The following NUP160 variants were observed in gnomAD, a reference collection of about 807,000 sequenced individuals.
NUP160 encodes the protein nuclear pore complex protein Nup160.
Under a neutral mutation model 196.9 loss-of-function variants are expected in NUP160, and 94 were observed. The ratio of observed to expected loss-of-function variants is 0.48; its 90% confidence interval spans 0.40 to 0.57. NUP160 has a LOEUF of 0.57. NUP160 is among the 20% of genes least tolerant of loss of function. NUP160 has a pLI of 0.00. For synonymous variants in NUP160, 605 were observed against 619.7 expected (o/e 0.98, Z 0.35); for missense variants, 1,638 against 1,748.3 (o/e 0.94, Z 1.13).
At chr11:47,806,818 C>T (rs966508754) in intron 19 of NUP160, among the ~76,000 whole-genome samples, 6 of 147,498 alleles carry the variant, frequency 4.1e-5, no homozygotes, top group Non-Finnish European at 9.0e-5. Context: ...CACACACACA[C>T]ACACACACAC....
intron 23 of NUP160, 141 bp downstream of exon 23, chr11:47,801,670 G>A: frequency 2.5e-6 from 2 of 806,100 alleles, no homozygotes; most frequent in South Asian, 3.7e-5. Context: ...AATTTCTCTA[G>A]GCAAATTCAT....
rs772040331 is a variant in NUP160, at chr11:47,822,179, G to A, written c.1102-15C>T. ...AAAATGCAGAACTGTTAAAACACAAGATGATCATTTATTACCTGAAATAAT... is the reference window on the plus strand; with the variant it reads ...AAAATGCAGAACTGTTAAAACACAAAATGATCATTTATTACCTGAAATAAT... On this transcript the variant is annotated splice_polypyrimidine_tract_variant and intron_variant, in intron 7 of 35. Transcript: ENST00000378460. 1.6e-5 allele frequency: 24 copies of A among 1,533,412 alleles called. No homozygotes were observed. The South Asian group carries it at 2.6e-4, about 17-fold the overall frequency. 95.0% of individuals were successfully genotyped at this position (1,533,412 alleles called of 1,614,324 possible).
chr11:47,809,717 C>CTACA (rs2097679959), intron 17 of NUP160, among the ~76,000 whole-genome samples: 1 of 108,718 alleles, frequency 9.2e-6, no homozygotes, highest in South Asian at 3.0e-4. Flanking sequence ...CCAGCCTGGG[C>CTACA]TACAGAGCAA....
Position 47,803,547 on chromosome 11 carries a change from T to A in NUP160, c.2677-11A>T. The A allele has an allele frequency of 3.5e-6, 5 of 1,446,526 alleles. No homozygotes were observed. The highest frequency in any genetic ancestry group is 4.9e-6 in the Non-Finnish European group (5 of 1,028,128). 89.6% of individuals were successfully genotyped at this position (1,446,526 alleles called of 1,614,324 possible). ...CAGTTGAATATAATCCTTAAAGGCATAAAAGGTGCTTTCTGATTAGAAAAT... is the reference window on the plus strand; with the variant it reads ...CAGTTGAATATAATCCTTAAAGGCAAAAAAGGTGCTTTCTGATTAGAAAAT... On this transcript the variant is annotated splice_polypyrimidine_tract_variant and intron_variant, in intron 21 of 35. Transcript: ENST00000378460.
chr11:47,840,714 A>G lies in NUP160; in HGVS notation c.315-126T>C, dbSNP rs1258496874. On this transcript the variant is annotated intron_variant, in intron 2 of 35. Coordinates refer to ENST00000378460, the Ensembl canonical transcript of NUP160. ...GAAAATTTTGGATAAACAGATTTGGACCACTTTTGCATGCCAAATCACATT... is the reference window on the plus strand; with the variant it reads ...GAAAATTTTGGATAAACAGATTTGGGCCACTTTTGCATGCCAAATCACATT... The G allele has an allele frequency of 1.1e-5, 7 of 651,172 alleles. No homozygotes were observed. The African/African-American group carries it at 1.1e-4, about 10-fold the overall frequency. The allele number at this position is 651,172 out of a possible 1,614,324, so 40.3% of individuals were successfully genotyped here.
chr11:47,786,293 C>A (rs2097664485), intron 32 of NUP160, among the ~76,000 whole-genome samples, 160 bp downstream of exon 32: 1 of 152,114 alleles, frequency 6.6e-6, no homozygotes, highest in South Asian at 2.1e-4. Context: ...CAATAAATGA[C>A]ATGATGTCAC....
intron 12 of NUP160, 111 bp from the exon 13 acceptor site, chr11:47,815,760 T>C: frequency 9.9e-7 from 1 of 1,014,416 alleles, no homozygotes; most frequent in Non-Finnish European, 1.5e-6. Context: ...CAAATGAATA[T>C]TCCTTACGTA....
intron 22 of NUP160, among the ~76,000 whole-genome samples, chr11:47,802,348 C>T (rs1165437341): frequency 6.6e-6 from 1 of 152,012 alleles, no homozygotes; most frequent in Non-Finnish European, 1.5e-5. Flanking sequence ...GCAGAATCGC[C>T]TGAACCTGGT....
At chr11:47,785,550 G>A (rs1297065978) in intron 32 of NUP160, among the ~76,000 whole-genome samples, 4 of 152,184 alleles carry the variant, frequency 2.6e-5, no homozygotes, top group Non-Finnish European at 4.4e-5. Context: ...TCTTGGGTTC[G>A]TATATTCCTC....
chr11:47,844,241 C>A (rs909799348), intron 2 of NUP160, among the ~76,000 whole-genome samples: 1 of 152,194 alleles, frequency 6.6e-6, no homozygotes, highest in Non-Finnish European at 1.5e-5. Context: ...GGTCTCCCTG[C>A]ACCTACCCTT....
chr11:47,783,266 T>C (rs2097662552), intron 33 of NUP160, 68 bp from the exon 34 acceptor site: 3 of 1,539,740 alleles, frequency 1.9e-6, no homozygotes, highest in Admixed American at 3.9e-5. Flanking sequence ...CCAAAGAATG[T>C]TGAGTGGCTG....
At chr11:47,812,797 CT>C (rs1227097744) in intron 15 of NUP160, 84 bp downstream of exon 15, 2 of 1,119,250 alleles carry the variant, frequency 1.8e-6, no homozygotes, top group East Asian at 4.7e-5. Context: ...TCTGTACGCT[CT>C]GGAACATACA....
chr11:47,821,352 C>CTTTTTT lies in NUP160; in HGVS notation c.1277+366_1277+371dup, dbSNP rs763021512. On this transcript the variant is annotated intron_variant, in intron 9 of 35. Coordinates refer to ENST00000378460, the Ensembl canonical transcript of NUP160. ...GGTTCTACATAAAAAGCTCCCTTGT[C>CTTTTTT]TTTTTTTTTTTTTTTTTTTTTTTGA... 2.0e-3 allele frequency: 190 copies of CTTTTTT among 94,892 alleles called. 1 individual carries two copies. The highest frequency in any genetic ancestry group is 2.8e-3 in the Non-Finnish European group (138 of 49,558). 5.9% of individuals were successfully genotyped at this position (94,892 alleles called of 1,614,324 possible).
At chr11:47,792,259 G>T in intron 28 of NUP160, 1 of 369,754 alleles carries the variant, frequency 2.7e-6, no homozygotes, top group South Asian at 4.5e-5. Context: ...CGGCTCCAGA[G>T]TTATATATAA....
At position 47,788,213 on chromosome 11, in the gene NUP160, A is replaced by G. The variant is rs779423491; in HGVS notation, c.3715T>C (p.Leu1239=). 3.7e-6 allele frequency: 6 copies of G among 1,613,898 alleles called. No homozygotes were observed. In the Admixed American group the frequency reaches 8.3e-5, roughly 22 times the overall value. ...GCAAGCCCTTCAAAGACTGGCGTTAAGGGAAGCTTAAAAGTCTGACAGAGT... is the reference window on the plus strand; with the variant it reads ...GCAAGCCCTTCAAAGACTGGCGTTAGGGGAAGCTTAAAAGTCTGACAGAGT... The change falls in exon 31 of 36, where the codon TTA becomes CTA. Residue 1239 remains leucine (L), a synonymous_variant. Coordinates refer to ENST00000378460, the Ensembl canonical transcript of NUP160.
intron 33 of NUP160, among the ~76,000 whole-genome samples, chr11:47,784,316 T>C (rs1293315619): frequency 1.3e-5 from 2 of 152,228 alleles, no homozygotes; most frequent in African/African-American, 2.4e-5. Flanking sequence ...TTTTGATTTT[T>C]AATAGGTGAA....
intron 7 of NUP160, among the ~76,000 whole-genome samples, chr11:47,833,793 C>T (rs2135396623): frequency 7.0e-6 from 1 of 142,570 alleles, no homozygotes; most frequent in South Asian, 2.6e-4. Flanking sequence ...GGGCACTGTG[C>T]CTCTAGCAAG....
chr11:47,847,840 A>C lies in NUP160; in HGVS notation c.314+8T>G, dbSNP rs1852430232. The C allele has an allele frequency of 1.9e-6, 3 of 1,601,464 alleles. No individual in the cohort carries two copies. The highest frequency in any genetic ancestry group is 2.6e-6 in the Non-Finnish European group (3 of 1,168,580). ...TTCCAGGGGAGTTTGGCGAACCACA[A>C]CACTTACCAATGAATGAACCTGTTT... On this transcript the variant is annotated splice_region_variant and intron_variant, in intron 2 of 35. Coordinates refer to ENST00000378460, the Ensembl canonical transcript of NUP160.
chr11:47,821,968 G>T lies in NUP160; in HGVS notation c.1179+119C>A, dbSNP rs973968462. Reference sequence around the variant, plus strand: ...TTTGGTAAAGTCTAAATGAAATTTTGTTCCATATATCATGAAATAATTCCA... The same window carrying T: ...TTTGGTAAAGTCTAAATGAAATTTTTTTCCATATATCATGAAATAATTCCA... On this transcript the variant is annotated intron_variant, in intron 8 of 35. Coordinates refer to ENST00000378460, the Ensembl canonical transcript of NUP160. The T allele has an allele frequency of 4.1e-6, 4 of 979,582 alleles. No individual in the cohort carries two copies. The Admixed American group carries it at 6.7e-5, about 16-fold the overall frequency. 60.7% of individuals were successfully genotyped at this position (979,582 alleles called of 1,614,324 possible). A position where few individuals can be genotyped will look rare whatever the true frequency, so the allele number is the denominator to read the frequency against.
Sources: gnomAD v4.1 joint callset for allele counts (sites outside exome capture counted in the v4.1 genomes callset) on GRCh38, gnomAD v4.1.1 for gene constraint, MANE v1.5 for transcripts, NCBI Gene and HGNC (gene_info 2026-07-23, HGNC 2026-07-21) for gene names.